GALNT17: variants seen among roughly 807,000 people sequenced by gnomAD.
GALNT17 encodes the protein UDP-GalNAc:polypeptide N-acetylgalactosaminyltransferase-like 3.
Under a neutral mutation model 63.7 loss-of-function variants are expected in GALNT17, and 29 were observed. The observed-to-expected ratio is 0.46, with a 90% CI of 0.34 to 0.62. The LOEUF (loss-of-function observed/expected upper bound fraction) is 0.62, where lower values mean the gene tolerates loss of function less well. GALNT17 is among the 20% of genes least tolerant of loss of function. The pLI is 0.01. For synonymous variants in GALNT17, 305 were observed against 318.3 expected (o/e 0.96, Z 0.45); for missense variants, 603 against 799.6 (o/e 0.75, Z 2.97).
At chr7:71,133,574 A>G (rs986238823) in intron 1 of GALNT17, among the ~76,000 whole-genome samples, 1 of 152,140 alleles carries the variant, frequency 6.6e-6, no homozygotes, top group Non-Finnish European at 1.5e-5. Flanking sequence ...TGCTCAGCTA[A>G]GAATGAGGAC....
At chr7:71,562,213 C>T (rs1416646440) in intron 5 of GALNT17, among the ~76,000 whole-genome samples, 1 of 152,116 alleles carries the variant, frequency 6.6e-6, no homozygotes, top group African/African-American at 2.4e-5. Context: ...AATCCTCTAG[C>T]CTTGGCCTCC....
intron 6 of GALNT17, among the ~76,000 whole-genome samples, chr7:71,605,251 G>A (rs768522194): frequency 4.3e-4 from 66 of 152,080 alleles, no homozygotes; most frequent in Admixed American, 2.6e-4. Context: ...TATTTACACA[G>A]CAAAGGAGTG....
At chr7:71,150,977 CAAAAAAAAAAA>C (rs34934868) in intron 1 of GALNT17, among the ~76,000 whole-genome samples, 2 of 103,056 alleles carry the variant, frequency 1.9e-5, no homozygotes, top group Non-Finnish European at 4.0e-5. Flanking sequence ...ACCCTGACTT[CAAAAAAAAAAA>C]AAAAAAAAAG....
At chr7:71,202,058 T>A (rs927862394) in intron 1 of GALNT17, among the ~76,000 whole-genome samples, 4 of 152,214 alleles carry the variant, frequency 2.6e-5, no homozygotes, top group Non-Finnish European at 5.9e-5. Flanking sequence ...TTCAAACATA[T>A]TATAATGTTC....
chr7:71,152,306 G>A (rs1788150498), intron 1 of GALNT17, among the ~76,000 whole-genome samples: 1 of 152,126 alleles, frequency 6.6e-6, no homozygotes, highest in African/African-American at 2.4e-5. Context: ...AGTTTGGAAG[G>A]AAAACAAAAG....
At position 71,536,260 on chromosome 7, in the gene GALNT17, G is replaced by A. The variant is rs560279397; in HGVS notation, c.963-35025G>A. Among the ~76,000 whole-genome samples, 4 of 152,268 alleles carry A rather than the reference G, an allele frequency of 2.6e-5. No individual in the cohort carries two copies. The South Asian group carries it at 8.3e-4, about 32-fold the overall frequency. Reference sequence around the variant, plus strand: ...GCCTTTGGGAGGCTCCTAGATCTGGGTCTCACCTTTTCTCCAGGCACAGCC... The same window carrying A: ...GCCTTTGGGAGGCTCCTAGATCTGGATCTCACCTTTTCTCCAGGCACAGCC... On this transcript the variant is annotated intron_variant, in intron 5 of 10. Coordinates refer to ENST00000333538, the MANE Select transcript of GALNT17 (RefSeq NM_022479.3).
At chr7:71,134,894 C>T (rs1025462627) in intron 1 of GALNT17, among the ~76,000 whole-genome samples, 1 of 127,480 alleles carries the variant, frequency 7.8e-6, no homozygotes, top group East Asian at 2.6e-4. Flanking sequence ...CTCTGTCCCC[C>T]TGGCTGGAGT....
chr7:71,197,579 A>G (rs1362230490), intron 1 of GALNT17, among the ~76,000 whole-genome samples: 1 of 151,448 alleles, frequency 6.6e-6, no homozygotes, highest in East Asian at 2.0e-4. Context: ...AACAGTCCCC[A>G]CTTTCCTCCA....
At chr7:71,159,273 C>T (rs953756262) in intron 1 of GALNT17, among the ~76,000 whole-genome samples, 1 of 151,648 alleles carries the variant, frequency 6.6e-6, no homozygotes, top group Non-Finnish European at 1.5e-5. Flanking sequence ...AGTGATGTGT[C>T]GTTTCGCAGT....
At chr7:71,338,672 G>A (rs746966640) in intron 2 of GALNT17, among the ~76,000 whole-genome samples, 1 of 152,090 alleles carries the variant, frequency 6.6e-6, no homozygotes, top group African/African-American at 2.4e-5. Flanking sequence ...TGTGTTCCAG[G>A]CAGAACTCCA....
chr7:71,293,704 G>A (rs1311674193), intron 1 of GALNT17, among the ~76,000 whole-genome samples: 2 of 152,184 alleles, frequency 1.3e-5, no homozygotes, highest in Non-Finnish European at 2.9e-5. Context: ...TAGCTTTGCA[G>A]GGTATAGTGT....
At chr7:71,516,301 A>G (rs146723695) in intron 5 of GALNT17, among the ~76,000 whole-genome samples, 9 of 152,318 alleles carry the variant, frequency 5.9e-5, no homozygotes, top group African/African-American at 1.9e-4. Context: ...CCCCTTTGGC[A>G]TAGTGAGAAT....
At chr7:71,447,458 A>T (rs1267019274) in intron 5 of GALNT17, among the ~76,000 whole-genome samples, 1 of 152,306 alleles carries the variant, frequency 6.6e-6, no homozygotes, top group East Asian at 1.9e-4. Flanking sequence ...ATTTTCTGAC[A>T]TAGAATGCTC....
At position 71,597,130 on chromosome 7, in the gene GALNT17, C is replaced by T. The variant is rs374352674; in HGVS notation, c.1080+25728C>T. On this transcript the variant is annotated intron_variant, in intron 6 of 10. Coordinates refer to ENST00000333538, the MANE Select transcript of GALNT17 (RefSeq NM_022479.3). Reference sequence around the variant, plus strand: ...TCAGCTCACTGCAAGCTCCACCTCCCGGGCTCACACCATTCCCCTGCCTCA... The same window carrying T: ...TCAGCTCACTGCAAGCTCCACCTCCTGGGCTCACACCATTCCCCTGCCTCA... Among the ~76,000 whole-genome samples, 60 of 152,076 alleles carry T rather than the reference C, an allele frequency of 3.9e-4. No homozygotes were observed. In the East Asian group the frequency reaches 8.7e-3, roughly 22 times the overall value.
chr7:71,282,031 C>A (rs990468673), intron 1 of GALNT17, among the ~76,000 whole-genome samples: 4 of 152,184 alleles, frequency 2.6e-5, no homozygotes, highest in Non-Finnish European at 4.4e-5. Flanking sequence ...CCAAGCCTCT[C>A]CTTGCTGATC....
chr7:71,543,436 G>A (rs531129681), intron 5 of GALNT17, among the ~76,000 whole-genome samples: 49 of 152,312 alleles, frequency 3.2e-4, no homozygotes, highest in African/African-American at 1.1e-3. Flanking sequence ...AAAACGTTTA[G>A]CATCTGGATT....
chr7:71,299,779 T>A (rs1044693348), intron 1 of GALNT17, among the ~76,000 whole-genome samples: 6 of 151,932 alleles, frequency 3.9e-5, no homozygotes, highest in African/African-American at 1.5e-4. Flanking sequence ...ATTTTTTTTT[T>A]AATTGAGATG....
At chr7:71,383,173 A>G (rs577567683) in intron 2 of GALNT17, among the ~76,000 whole-genome samples, 99 of 152,266 alleles carry the variant, frequency 6.5e-4, no homozygotes, top group Non-Finnish European at 1.3e-3. Flanking sequence ...ATATTGCAGA[A>G]TTTCCTTCCT....
chr7:71,697,472 C>G (rs1300163604), intron 9 of GALNT17, among the ~76,000 whole-genome samples: 1 of 152,088 alleles, frequency 6.6e-6, no homozygotes, highest in East Asian at 1.9e-4. Flanking sequence ...GTGCGCAAGT[C>G]TAGAACTAGG....
Sources: allele counts gnomAD v4.1 joint callset (sites outside exome capture counted in the v4.1 genomes callset), GRCh38; gene constraint gnomAD v4.1.1; transcripts MANE v1.5; gene names NCBI Gene and HGNC (gene_info 2026-07-23, HGNC 2026-07-21).